TMEM114: variants seen among roughly 807,000 people sequenced by gnomAD.
TMEM114 encodes the protein transmembrane protein 114, also known as claudin-26.
In TMEM114, 6 loss-of-function variants were observed where a neutral mutation model predicts 6.2. The observed-to-expected ratio is 0.97, with a 90% CI of 0.53 to 1.91. The LOEUF (loss-of-function observed/expected upper bound fraction) is 1.91. Ranked by LOEUF, TMEM114 falls within the 40% of genes most tolerant of loss-of-function variation. TMEM114 has a pLI of 0.01. For synonymous variants in TMEM114, 104 were observed against 73.0 expected, an observed-to-expected ratio of 1.42 and a Z score of -2.16; for missense variants, 218 against 158.3, an observed-to-expected ratio of 1.38 and a Z score of -2.02.
chr16:8,536,703 C>T (rs555654734), downstream of TMEM114, among the ~76,000 whole-genome samples: 8 of 151,536 alleles, frequency 5.3e-5, no homozygotes, highest in South Asian at 1.3e-3. Context: ...GGGTTTTTTG[C>T]TTCCATGTTT....
downstream of TMEM114, among the ~76,000 whole-genome samples, chr16:8,564,730 T>G (rs1056235362): frequency 1.0e-4 from 15 of 148,276 alleles, no homozygotes; most frequent in African/African-American, 2.8e-4. Flanking sequence ...AATGAGTGAG[T>G]GAGGGAGGGA....
intron 2 of TMEM114, among the ~76,000 whole-genome samples, chr16:8,564,455 G>C (rs947015940): frequency 2.0e-5 from 3 of 147,788 alleles, no homozygotes; most frequent in Non-Finnish European, 3.0e-5. Flanking sequence ...ATGAGTGAGT[G>C]AGTAAATGAG....
intron 2 of TMEM114, among the ~76,000 whole-genome samples, chr16:8,564,251 G>GAGCGAATGAGTGATGAAATA (rs1901430702): frequency 3.4e-4 from 4 of 11,826 alleles, no homozygotes; most frequent in African/African-American, 7.2e-4. Flanking sequence ...ATGAGTGAGT[G>GAGCGAATGAGTGATGAAATA]AGTGAATGAG....
intron 2 of TMEM114, among the ~76,000 whole-genome samples, chr16:8,545,112 T>C (rs568967656): frequency 1.3e-4 from 20 of 152,314 alleles, no homozygotes; most frequent in African/African-American, 4.8e-4. Context: ...TCTTTCTAGT[T>C]GTTCTCTTCT....
chr16:8,547,753 C>T (rs1445740131), intron 2 of TMEM114, among the ~76,000 whole-genome samples: 2 of 152,136 alleles, frequency 1.3e-5, no homozygotes, highest in Non-Finnish European at 2.9e-5. Context: ...GGAGGAGGTC[C>T]TTGCGTGGCC....
intron 2 of TMEM114, among the ~76,000 whole-genome samples, chr16:8,549,041 A>T (rs1182098887): frequency 6.6e-6 from 1 of 152,044 alleles, no homozygotes; most frequent in East Asian, 1.9e-4. Flanking sequence ...ATTTAGCCAG[A>T]CATGGCAGCA....
chr16:8,548,160 GC>G (rs1413152045), intron 2 of TMEM114, among the ~76,000 whole-genome samples: 3 of 152,106 alleles, frequency 2.0e-5, no homozygotes, highest in Non-Finnish European at 4.4e-5. Context: ...CTAAGCTCCC[GC>G]CCCTATTAAC....
intron 2 of TMEM114, among the ~76,000 whole-genome samples, chr16:8,584,639 C>G (rs1486500056): frequency 1.3e-5 from 2 of 152,022 alleles, no homozygotes; most frequent in African/African-American, 2.4e-5. Flanking sequence ...AAAGACATAC[C>G]TGGCTGGGCG....
In TMEM114 at chr16:8,574,382, T is replaced by C. The variant is rs185465570; in HGVS notation, c.302-2158A>G. On this transcript the variant is annotated intron_variant, in intron 2 of 3. Transcript: ENST00000620492. ...ATAACTCTATCAATAATAAAGATGA[T>C]GGTGATAATCATAACTTGGTCCGTG... is the stretch of plus-strand genomic sequence containing the variant. Among the ~76,000 whole-genome samples, 5 of 152,274 alleles carry C rather than the reference T, an allele frequency of 3.3e-5. No individual in the cohort carries two copies. The East Asian group carries it at 7.7e-4, about 24-fold the overall frequency.
At chr16:8,530,628 G>C in the TMEM114 span, among the ~76,000 whole-genome samples, 2 of 151,982 alleles carry the variant, frequency 1.3e-5, no homozygotes, top group South Asian at 2.1e-4. Flanking sequence ...GATGGATGAA[G>C]GGAGGTAAGG....
intron 2 of TMEM114, among the ~76,000 whole-genome samples, chr16:8,585,516 C>G (rs930320419): frequency 1.3e-5 from 2 of 152,082 alleles, no homozygotes; most frequent in Non-Finnish European, 2.9e-5. Context: ...TGTCAGCTAG[C>G]TTCTCCTCTA....
intron 2 of TMEM114, among the ~76,000 whole-genome samples, chr16:8,564,399 G>C (rs1346433039): frequency 1.3e-5 from 2 of 151,056 alleles, no homozygotes; most frequent in African/African-American, 2.5e-5. Context: ...ATGAGTGAGT[G>C]AGTGAATGAG....
chr16:8,567,586 C>T (rs1408408596), downstream of TMEM114, among the ~76,000 whole-genome samples: 1 of 152,174 alleles, frequency 6.6e-6, no homozygotes, highest in Non-Finnish European at 1.5e-5. Context: ...CATCCCTGGC[C>T]TCTTCCCACT....
At chr16:8,576,655 T>C (rs1901938877) in intron 2 of TMEM114, among the ~76,000 whole-genome samples, 1 of 150,742 alleles carries the variant, frequency 6.6e-6, no homozygotes, top group African/African-American at 2.4e-5. Flanking sequence ...GAACCTAGAA[T>C]GTAGTACATG....
chr16:8,540,233 T>C (rs1011598440), intron 2 of TMEM114, among the ~76,000 whole-genome samples: 12 of 152,156 alleles, frequency 7.9e-5, no homozygotes, highest in African/African-American at 2.4e-4. Context: ...TGGCTAGAGA[T>C]TAAGGATACA....
At chr16:8,552,563 G>A (rs192345157) in intron 2 of TMEM114, among the ~76,000 whole-genome samples, 32 of 151,942 alleles carry the variant, frequency 2.1e-4, no homozygotes, top group African/African-American at 6.8e-4. Context: ...TAACAGTATT[G>A]CAATGTGGAT....
At chr16:8,535,411 T>C (rs890065522), downstream of TMEM114, among the ~76,000 whole-genome samples, 1 of 152,100 alleles carries the variant, frequency 6.6e-6, no homozygotes, top group South Asian at 2.1e-4. Flanking sequence ...CATCGGGATT[T>C]TTTTTTCTTC....
chr16:8,556,994 C>T (rs1470879692), intron 2 of TMEM114, among the ~76,000 whole-genome samples: 1 of 152,128 alleles, frequency 6.6e-6, no homozygotes, highest in East Asian at 1.9e-4. Context: ...GGGACCAGAG[C>T]TGGAGGTGTC....
At chr16:8,570,557 C>T (rs1164800653) in intron 3 of TMEM114, among the ~76,000 whole-genome samples, 1 of 152,170 alleles carries the variant, frequency 6.6e-6, no homozygotes, top group African/African-American at 2.4e-5. Flanking sequence ...GTCTCAAACT[C>T]CTGACCTCAA....
Sources: allele counts gnomAD v4.1 joint callset (sites outside exome capture counted in the v4.1 genomes callset), GRCh38; gene constraint gnomAD v4.1.1; transcripts MANE v1.5; gene names NCBI Gene and HGNC (gene_info 2026-07-23, HGNC 2026-07-21).